Variants in ODAD2 observed in about 807,000 individuals in gnomAD.
The protein encoded by ODAD2 is outer dynein arm docking complex subunit 2.
In ODAD2, 89 loss-of-function variants were observed where a neutral mutation model predicts 106.8. That is an observed-to-expected ratio of 0.83 (90% confidence interval 0.70 to 0.99). ODAD2 has a LOEUF of 0.99. ODAD2 is among the 50% of genes least tolerant of loss of function. ODAD2 has a pLI of 0.00. For synonymous variants in ODAD2, 404 were observed against 436.2 expected (o/e 0.93, Z 0.92); for missense variants, 1,168 against 1,238.5 (o/e 0.94, Z 0.85).
At chr10:27,942,410 T>C (rs1361650464) in intron 12 of ODAD2, among the ~76,000 whole-genome samples, 1 of 152,204 alleles carries the variant, frequency 6.6e-6, no homozygotes, top group African/African-American at 2.4e-5. Flanking sequence ...AAAAATGCCA[T>C]AGGAACTTAA....
intron 16 of ODAD2, among the ~76,000 whole-genome samples, chr10:27,927,617 G>A (rs1265208005): frequency 1.3e-5 from 2 of 152,000 alleles, no homozygotes; most frequent in Non-Finnish European, 2.9e-5. Context: ...CCTCCTTGTT[G>A]CACAAAAAAG....
Position 27,831,732 on chromosome 10 carries a change from G to A in ODAD2, c.3022-19107C>T, listed in dbSNP as rs186808627. Among the ~76,000 whole-genome samples, 210 of 152,346 alleles carry A rather than the reference G, an allele frequency of 1.4e-3. 2 individuals are homozygous for A. Among genetic ancestry groups the A allele is most frequent in the Middle Eastern group, 6.8e-3 (2 of 294 alleles). ...ATGCCTGGGGTTGGCATTTTCTGAG[G>A]CATAGCTGGTCCTCTCTGGCCCTTT... is the stretch of plus-strand genomic sequence containing the variant. On this transcript the variant is annotated intron_variant, in intron 19 of 19. Coordinates refer to ENST00000305242, the MANE Select transcript of ODAD2 (RefSeq NM_018076.5).
At position 27,907,792 on chromosome 10, in the gene ODAD2, A is replaced by G. The variant is rs750965893; in HGVS notation, c.2496-15T>C. On this transcript the variant is annotated splice_polypyrimidine_tract_variant and intron_variant, in intron 16 of 19. Coordinates refer to ENST00000305242, the MANE Select transcript of ODAD2 (RefSeq NM_018076.5). ...GATCAATTATCCTATCGTGGAACCC[A>G]AAATCATGATATAAACTGTCATTAG... The G allele has an allele frequency of 1.3e-6, 2 of 1,529,816 alleles. No individual in the cohort carries two copies. Among genetic ancestry groups the G allele is most frequent in the Admixed American group, 3.3e-5 (2 of 59,870 alleles). 94.8% of individuals were successfully genotyped at this position (1,529,816 alleles called of 1,614,324 possible).
intron 10 of ODAD2, among the ~76,000 whole-genome samples, chr10:27,955,354 AAAC>A (rs1205238256): frequency 2.0e-5 from 3 of 152,270 alleles, no homozygotes; most frequent in African/African-American, 7.2e-5. Flanking sequence ...GAAGAAATCC[AAAC>A]AAGAGAAAGA....
intron 17 of ODAD2, among the ~76,000 whole-genome samples, chr10:27,870,710 T>C (rs1840807047): frequency 6.6e-6 from 1 of 152,226 alleles, no homozygotes; most frequent in African/African-American, 2.4e-5. Context: ...CTGCATAGTA[T>C]TACATGATGT....
At chr10:27,960,338 AT>A (rs1848042328) in intron 10 of ODAD2, among the ~76,000 whole-genome samples, 1 of 146,470 alleles carries the variant, frequency 6.8e-6, no homozygotes, top group South Asian at 2.1e-4. Flanking sequence ...TATTATTATT[AT>A]TATTATTATT....
chr10:27,934,241 C>G (rs1322802478), intron 16 of ODAD2, among the ~76,000 whole-genome samples: 1 of 152,008 alleles, frequency 6.6e-6, no homozygotes, highest in African/African-American at 2.4e-5. Flanking sequence ...TCGGGTATGT[C>G]TTTATCAGCA....
intron 6 of ODAD2, 141 bp downstream of exon 6, chr10:27,983,702 C>A (rs1564576638): frequency 3.7e-6 from 3 of 804,640 alleles, no homozygotes; most frequent in Non-Finnish European, 5.6e-6. Context: ...ATTTGCCCAG[C>A]AAGCATATAT....
chr10:27,967,073 CT>C (rs1306537759), intron 9 of ODAD2, among the ~76,000 whole-genome samples: 1 of 150,864 alleles, frequency 6.6e-6, no homozygotes, highest in Non-Finnish European at 1.5e-5. Flanking sequence ...TAAGAAAGTC[CT>C]GCTCTGTCTA....
intron 7 of ODAD2, 63 bp from the exon 8 acceptor site, chr10:27,971,376 T>C: frequency 7.5e-7 from 1 of 1,341,896 alleles, no homozygotes; most frequent in Non-Finnish European, 1.0e-6. Context: ...TCTCTGAAGA[T>C]TAATGCCAGT....
chr10:27,869,184 G>T (rs1246177819), intron 17 of ODAD2, among the ~76,000 whole-genome samples: 2 of 152,012 alleles, frequency 1.3e-5, no homozygotes, highest in East Asian at 3.9e-4. Context: ...AACAAATAAA[G>T]ATAATGGATA....
intron 19 of ODAD2, among the ~76,000 whole-genome samples, chr10:27,812,834 G>T (rs1835846529): frequency 6.6e-6 from 1 of 152,180 alleles, no homozygotes; most frequent in South Asian, 2.1e-4. Flanking sequence ...TTCTGGAGCT[G>T]AATTAGACTC....
At chr10:27,887,828 TA>T (rs1188793707) in intron 17 of ODAD2, among the ~76,000 whole-genome samples, 3 of 151,866 alleles carry the variant, frequency 2.0e-5, no homozygotes, top group Non-Finnish European at 3.0e-5. Flanking sequence ...ATTCAGACTT[TA>T]AATTAGATTT....
Position 27,971,203 on chromosome 10 carries a change from C to A in ODAD2, c.1047G>T (p.Arg349Ser), listed in dbSNP as rs200875268. 25 of 1,613,952 alleles carry A rather than the reference C, an allele frequency of 1.5e-5. No homozygotes were observed. Among genetic ancestry groups the A allele is most frequent in the South Asian group, 1.4e-4 (13 of 91,062 alleles). Residue 349 changes from arginine (R) to serine (S), a missense_variant, in exon 8 of 20, where the codon AGG (arginine) becomes AGT (serine). By Grantham distance (110) the Arg-to-Ser change is moderately radical. Transcript: ENST00000305242. Reference sequence around the variant, plus strand: ...AATTAATTTGGTTCTTCTCCAGTGACCTTTTGTCTGAACCAGAAATGTCTT... The same window carrying A: ...AATTAATTTGGTTCTTCTCCAGTGAACTTTTGTCTGAACCAGAAATGTCTT... ...LRKDISGSDK[R>S]SLEKNQINFW...
At chr10:27,998,556 AGG>A (rs1375219993) in intron 1 of ODAD2, among the ~76,000 whole-genome samples, 1 of 149,620 alleles carries the variant, frequency 6.7e-6, no homozygotes, top group East Asian at 2.0e-4. Flanking sequence ...TAGTGCAGAG[AGG>A]GGCGCAGGGA....
intron 3 of ODAD2, among the ~76,000 whole-genome samples, chr10:27,985,646 G>A (rs561677761): frequency 6.2e-4 from 95 of 152,192 alleles, no homozygotes; most frequent in African/African-American, 1.3e-3. Flanking sequence ...TATTTATAAA[G>A]GCTTTCTTTC....
At chr10:27,825,430 T>C (rs1303059492) in intron 19 of ODAD2, among the ~76,000 whole-genome samples, 6 of 152,342 alleles carry the variant, frequency 3.9e-5, no homozygotes, top group African/African-American at 9.6e-5. Flanking sequence ...TCTGGGAGGA[T>C]GGTAGCCTCC....
At chr10:27,845,159 T>G (rs7077984) in intron 19 of ODAD2, among the ~76,000 whole-genome samples, 17 of 152,020 alleles carry the variant, frequency 1.1e-4, no homozygotes, top group African/African-American at 2.7e-4. Flanking sequence ...AAATGTTAAG[T>G]GCAGCCAGAG....
At chr10:27,979,475 GT>G (rs1849411541) in intron 7 of ODAD2, among the ~76,000 whole-genome samples, 2 of 148,364 alleles carry the variant, frequency 1.3e-5, no homozygotes, top group African/African-American at 5.0e-5. Flanking sequence ...CACACACAGA[GT>G]TAAATGAATT....
Sources: allele counts gnomAD v4.1 joint callset (sites outside exome capture counted in the v4.1 genomes callset), GRCh38; gene constraint gnomAD v4.1.1; transcripts MANE v1.5; gene names NCBI Gene and HGNC (gene_info 2026-07-23, HGNC 2026-07-21).